ASB13: variants seen among roughly 807,000 people sequenced by gnomAD.
ASB13 encodes ankyrin repeat and SOCS box containing 13, also known as ankyrin repeat and SOCS box protein 13.
ASB13 carries 33 observed loss-of-function variants against 28.8 expected under a neutral mutation model. The ratio of observed to expected loss-of-function variants is 1.15; its 90% CI spans 0.87 to 1.53. ASB13 has a LOEUF of 1.53. Ranked by LOEUF, ASB13 falls within the 40% of genes most tolerant of loss-of-function variation. ASB13 has a pLI of 0.00. For missense variants in ASB13, 414 were observed against 390.1 expected (o/e 1.06, Z -0.52); for synonymous variants, 182 against 172.9 (o/e 1.05, Z -0.41).
intron 4 of ASB13, among the ~76,000 whole-genome samples, chr10:5,647,492 G>A (rs557075663): frequency 4.6e-5 from 7 of 151,996 alleles, no homozygotes; most frequent in African/African-American, 9.7e-5. Context: ...GAGTCTTTTC[G>A]AACACCCGAC....
chr10:5,660,122 C>T lies in ASB13; in HGVS notation c.43+6387G>A, dbSNP rs1317856499. Among the ~76,000 whole-genome samples, 3 of 152,178 alleles carry T rather than the reference C, an allele frequency of 2.0e-5. No individual in the cohort carries two copies. The highest frequency in any genetic ancestry group is 2.9e-5 in the Non-Finnish European group (2 of 68,022). The stretch of plus-strand genomic sequence containing the variant: ...TATGGCTCCTCCTGTTTACCTGCCG[C>T]CTGCAGGCCTGAGCTCATGAATAGC... On this transcript the variant is annotated intron_variant, in intron 1 of 5. Transcript: ENST00000357700. This position sits in a 1 kb window ranked among gnomAD's most constrained non-coding sequence, Gnocchi z 6.1.
intron 1 of ASB13, 98 bp downstream of exon 1, chr10:5,666,411 C>A: frequency 9.2e-7 from 1 of 1,082,422 alleles, no homozygotes; most frequent in East Asian, 3.8e-5. Flanking sequence ...CAGCGCGGGG[C>A]GCGCCACCAC....
intron 1 of ASB13, among the ~76,000 whole-genome samples, chr10:5,653,496 C>G (rs75846384): frequency 6.6e-6 from 1 of 152,200 alleles, no homozygotes; most frequent in African/African-American, 2.4e-5. Flanking sequence ...CACGCACACA[C>G]GCTCAGACCC....
In ASB13 at chr10:5,652,283, A is replaced by C. The variant is rs79982604; in HGVS notation, c.231+580T>G. Among the ~76,000 whole-genome samples, 1,049 of 152,218 alleles carry C rather than the reference A, an allele frequency of 6.9e-3. 14 individuals are homozygous for C. The highest frequency in any genetic ancestry group is 0.024 in the African/African-American group (1,006 of 41,520). On this transcript the variant is annotated intron_variant, in intron 2 of 5. Coordinates refer to ENST00000357700, the MANE Select transcript of ASB13 (RefSeq NM_024701.4). The surrounding 1 kb of genome is among the most constrained non-coding windows in gnomAD (Gnocchi z 5.0). ...GTCTTCCCTTCTTCCTCACCCCTTGAACTCTGAGACCAGGTCCCTGTGTCA... is the reference window on the plus strand; with the variant it reads ...GTCTTCCCTTCTTCCTCACCCCTTGCACTCTGAGACCAGGTCCCTGTGTCA...
intron 1 of ASB13, among the ~76,000 whole-genome samples, chr10:5,666,036 G>C (rs1835252958): frequency 6.6e-6 from 1 of 152,182 alleles, no homozygotes; most frequent in African/African-American, 2.4e-5. Flanking sequence ...GGGTCACGCG[G>C]ACGCCTCTGC....
chr10:5,659,724 G>A lies in ASB13; in HGVS notation c.44-6674C>T, dbSNP rs1345394341. ...CTGATCAGCATTCTCCCTTCCCTGG[G>A]CCTTCCCTAAGGCCATCCCCTGTCA... On this transcript the variant is annotated intron_variant, in intron 1 of 5. Transcript: ENST00000357700. This position sits in a 1 kb window ranked among gnomAD's most constrained non-coding sequence, Gnocchi z 5.8. Among the ~76,000 whole-genome samples, 7 of 151,984 alleles carry A rather than the reference G, an allele frequency of 4.6e-5. No homozygotes were observed. The East Asian group carries it at 1.4e-3, about 30-fold the overall frequency.
chr10:5,640,650 C>G lies in ASB13; in HGVS notation c.*53G>C, dbSNP rs577170428. On this transcript the variant is annotated 3_prime_UTR_variant, in exon 6 of 6. Transcript: ENST00000357700. The stretch of plus-strand genomic sequence containing the variant: ...CAGAGGAACAGGCAGAGCCCTCACC[C>G]GGGCAATGCTGGGCACAACGGGGGC... The G allele has an allele frequency of 1.9e-6, 3 of 1,608,214 alleles. No homozygotes were observed. Among genetic ancestry groups the G allele is most frequent in the Non-Finnish European group, 2.6e-6 (3 of 1,175,594 alleles).
Position 5,642,632 on chromosome 10 carries a change from G to T in ASB13, c.518-671C>A. ...TTCAGAAAGATGCAAGGAATTAGTAGCTAAATATGGCTGGTTTTGGGTTTT... is the reference window on the plus strand; with the variant it reads ...TTCAGAAAGATGCAAGGAATTAGTATCTAAATATGGCTGGTTTTGGGTTTT... On this transcript the variant is annotated intron_variant, in intron 4 of 5. Transcript: ENST00000357700. This position sits in a 1 kb window ranked among gnomAD's most constrained non-coding sequence, Gnocchi z 4.1. 1.7e-6 allele frequency: 1 copy of T among 577,348 alleles called. No individual in the cohort carries two copies. Among genetic ancestry groups the T allele is most frequent in the Non-Finnish European group, 2.6e-6 (1 of 387,044 alleles). 35.8% of individuals were successfully genotyped at this position (577,348 alleles called of 1,614,324 possible).
intron 1 of ASB13, among the ~76,000 whole-genome samples, chr10:5,665,769 C>G (rs1474421053): frequency 6.6e-6 from 1 of 152,170 alleles, no homozygotes; most frequent in Non-Finnish European, 1.5e-5. Context: ...AGGTGCACTA[C>G]TGTTTTTACC....
At chr10:5,648,035 CTACT>C (rs1564216550) in intron 4 of ASB13, among the ~76,000 whole-genome samples, 51 of 108,880 alleles carry the variant, frequency 4.7e-4, no homozygotes, top group African/African-American at 1.4e-3. Context: ...AGGTAAACAC[CTACT>C]CAGGCAAACA....
chr10:5,656,279 C>A lies in ASB13; in HGVS notation c.44-3229G>T, dbSNP rs1244619880. On this transcript the variant is annotated intron_variant, in intron 1 of 5. Transcript: ENST00000357700. This position sits in a 1 kb window ranked among gnomAD's most constrained non-coding sequence, Gnocchi z 4.3. ...GTCTGACTGGTCAAGGTGGTTCAAGCCTGTAATCCCAGCACTTTGGGAGGC... is the reference window on the plus strand; with the variant it reads ...GTCTGACTGGTCAAGGTGGTTCAAGACTGTAATCCCAGCACTTTGGGAGGC... Among the ~76,000 whole-genome samples, 1 of 152,228 alleles carries A rather than the reference C, an allele frequency of 6.6e-6. No individual in the cohort carries two copies. The highest frequency in any genetic ancestry group is 1.5e-5 in the Non-Finnish European group (1 of 68,034).
At position 5,652,526 on chromosome 10, in the gene ASB13, G is replaced by A. The variant is rs1232989608; in HGVS notation, c.231+337C>T. Among the ~76,000 whole-genome samples, 3 of 152,196 alleles carry A rather than the reference G, an allele frequency of 2.0e-5. No homozygotes were observed. Among genetic ancestry groups the A allele is most frequent in the South Asian group, 2.1e-4 (1 of 4,826 alleles). ...CATCCCACTGAGTTATCCTAAAGCC[G>A]GAAACCTGCTCTTTGGGCCCAAGCA... is the stretch of plus-strand genomic sequence containing the variant. On this transcript the variant is annotated intron_variant, in intron 2 of 5. Transcript: ENST00000357700. This position sits in a 1 kb window ranked among gnomAD's most constrained non-coding sequence, Gnocchi z 5.0.
chr10:5,653,973 C>A (rs10430796), intron 1 of ASB13, among the ~76,000 whole-genome samples: 3 of 151,992 alleles, frequency 2.0e-5, no homozygotes, highest in African/African-American at 7.2e-5. Flanking sequence ...TGAGCCACCA[C>A]GCCCAGCTCT....
In ASB13 at chr10:5,641,962, C is replaced by T. The variant is rs1210807906; in HGVS notation, c.518-1G>A. 1.9e-6 allele frequency: 3 copies of T among 1,600,674 alleles called. No homozygotes were observed. The South Asian group carries it at 3.3e-5, about 18-fold the overall frequency. On this transcript the variant is annotated splice_acceptor_variant, in intron 4 of 5. Transcript: ENST00000357700. LOFTEE classifies it high-confidence loss of function. This position sits in a 1 kb window ranked among gnomAD's most constrained non-coding sequence, Gnocchi z 8.4. The stretch of plus-strand genomic sequence containing the variant: ...AGCTTTGCCGCATTCACGTTGGCCC[C>T]TGGAGGTCAAGAGTGCAGAAGAGAT...
chr10:5,665,925 C>T (rs1299616704), intron 1 of ASB13, among the ~76,000 whole-genome samples: 1 of 152,164 alleles, frequency 6.6e-6, no homozygotes, highest in African/African-American at 2.4e-5. Flanking sequence ...CCATTTCATT[C>T]TTGGGCTGCT....
At position 5,649,606 on chromosome 10, in the gene ASB13, A is replaced by G. The variant is rs578084378; in HGVS notation, c.383-502T>C. Reference sequence around the variant, plus strand: ...AGTGGTGCGATCTCAGCTCACTACAACCGCCATCTCCCGGGTTAAAGCGAT... The same window carrying G: ...AGTGGTGCGATCTCAGCTCACTACAGCCGCCATCTCCCGGGTTAAAGCGAT... On this transcript the variant is annotated intron_variant, in intron 3 of 5. Coordinates refer to ENST00000357700, the MANE Select transcript of ASB13 (RefSeq NM_024701.4). This position sits in a 1 kb window ranked among gnomAD's most constrained non-coding sequence, Gnocchi z 6.4. Among the ~76,000 whole-genome samples the G allele has an allele frequency of 6.6e-6, 1 of 150,668 alleles. No homozygotes were observed. Among genetic ancestry groups the G allele is most frequent in the African/African-American group, 2.4e-5 (1 of 40,894 alleles).
chr10:5,653,517 A>G (rs937097519), intron 1 of ASB13, among the ~76,000 whole-genome samples: 1 of 152,210 alleles, frequency 6.6e-6, no homozygotes. Context: ...CTGCATTTAC[A>G]GTGTCTCCTG....
Position 5,659,621 on chromosome 10 carries a change from C to A in ASB13, c.44-6571G>T, listed in dbSNP as rs779402630. On this transcript the variant is annotated intron_variant, in intron 1 of 5. Transcript: ENST00000357700. The surrounding 1 kb of genome is among the most constrained non-coding windows in gnomAD (Gnocchi z 5.8). ...GGCTGAAATTCCTCGACTGAGGGGA[C>A]CCCTGCTCCTTCAGGAAGCCTCCCG... Among the ~76,000 whole-genome samples, 96 of 152,088 alleles carry A rather than the reference C, an allele frequency of 6.3e-4. No individual in the cohort carries two copies. The highest frequency in any genetic ancestry group is 1.7e-3 in the Admixed American group (26 of 15,268).
At position 5,652,022 on chromosome 10, in the gene ASB13, A is replaced by ACCAC. The variant is rs1313170032; in HGVS notation, c.232-660_232-659insGTGG. On this transcript the variant is annotated intron_variant, in intron 2 of 5. Transcript: ENST00000357700. This position sits in a 1 kb window ranked among gnomAD's most constrained non-coding sequence, Gnocchi z 5.0. Reference sequence around the variant, plus strand: ...ATCTCAAAAAAAAAAAAAAAAAAAAAAAACCACACACACACACACACACAC... The same window carrying ACCAC: ...ATCTCAAAAAAAAAAAAAAAAAAAAACCACAAACCACACACACACACACACACAC... Among the ~76,000 whole-genome samples the ACCAC allele has an allele frequency of 3.6e-4, 16 of 44,564 alleles. 1 individual carries two copies. The highest frequency in any genetic ancestry group is 1.1e-3 in the African/African-American group (16 of 14,356). 29.2% of individuals were successfully genotyped at this position (44,564 alleles called of 152,430 possible). A position where few individuals can be genotyped will look rare whatever the true frequency, so the allele number is the denominator to read the frequency against.
Sources: gnomAD v4.1 joint callset for allele counts (sites outside exome capture counted in the v4.1 genomes callset) on GRCh38, gnomAD v4.1.1 for gene constraint, Gnocchi (gnomAD v3.1) non-coding constraint, MANE v1.5 for transcripts, NCBI Gene and HGNC (gene_info 2026-07-23, HGNC 2026-07-21) for gene names.